Variants in SYT16 observed in about 807,000 individuals in gnomAD.
The protein encoded by SYT16 is synaptotagmin-16.
A neutral mutation model predicts 61.4 loss-of-function variants in SYT16; 42 were observed. The observed-to-expected ratio is 0.68, with a 90% CI of 0.53 to 0.89. The LOEUF (loss-of-function observed/expected upper bound fraction) is 0.89, where lower values mean the gene tolerates loss of function less well. SYT16 is among the 40% of genes least tolerant of loss of function. SYT16 has a pLI of 0.00. For synonymous variants in SYT16, 314 were observed against 302.3 expected, an observed-to-expected ratio of 1.04 and a Z score of -0.40; for missense variants, 804 against 807.3, an observed-to-expected ratio of 1.00 and a Z score of 0.05.
intron 1 of SYT16, among the ~76,000 whole-genome samples, chr14:61,918,302 G>A (rs1214548944): frequency 5.9e-5 from 9 of 152,064 alleles, no homozygotes; most frequent in Non-Finnish European, 2.9e-5. Flanking sequence ...TCATATGGGC[G>A]GAAATATGGC....
At chr14:62,066,133 G>A (rs1288998795) in intron 3 of SYT16, among the ~76,000 whole-genome samples, 2 of 152,144 alleles carry the variant, frequency 1.3e-5, no homozygotes, top group East Asian at 3.8e-4. Context: ...AAAAGACCTG[G>A]GAGATGATCC....
chr14:61,861,955 G>A (rs1011023078), intron 1 of SYT16, among the ~76,000 whole-genome samples: 1 of 152,114 alleles, frequency 6.6e-6, no homozygotes, highest in South Asian at 2.1e-4. Context: ...CACAAAGTGA[G>A]CACATACTTT....
rs758847903 is a variant in SYT16, at chr14:61,893,865, C to T, written c.-324-76267C>T. ...CCCCCGATTCTGCATCTTCTGATTC[C>T]GCATCTGAGAGCCTGTGGCTCCTCT... On this transcript the variant is annotated intron_variant, in intron 1 of 7. Coordinates refer to ENST00000683842, the MANE Select transcript of SYT16 (RefSeq NM_001367656.1). 1.1e-4 allele frequency among the ~76,000 whole-genome samples: 16 copies of T among 152,336 alleles called. 1 individual carries two copies. The South Asian group carries it at 1.4e-3, about 14-fold the overall frequency.
chr14:62,079,147 G>T (rs1219171447), intron 5 of SYT16, among the ~76,000 whole-genome samples: 1 of 152,060 alleles, frequency 6.6e-6, no homozygotes, highest in East Asian at 1.9e-4. Flanking sequence ...TTTTTGAGTT[G>T]GCCTAAATCC....
chr14:61,957,723 A>G (rs983076311), intron 1 of SYT16, among the ~76,000 whole-genome samples: 6 of 151,900 alleles, frequency 3.9e-5, no homozygotes, highest in African/African-American at 1.4e-4. Context: ...TTTGTTGAAG[A>G]TTTTTGTATA....
chr14:61,902,955 T>C (rs1200903435), intron 1 of SYT16, among the ~76,000 whole-genome samples: 3 of 152,226 alleles, frequency 2.0e-5, no homozygotes, highest in African/African-American at 4.8e-5. Context: ...GTGGGAATTA[T>C]GGGAGCAACA....
At chr14:61,910,363 C>T (rs574043886) in intron 1 of SYT16, among the ~76,000 whole-genome samples, 13 of 151,784 alleles carry the variant, frequency 8.6e-5, no homozygotes, top group South Asian at 2.1e-4. Flanking sequence ...CTCAGCCTCC[C>T]GAGTAGCTGA....
intron 6 of SYT16, among the ~76,000 whole-genome samples, chr14:62,083,626 G>A (rs189826418): frequency 6.6e-6 from 1 of 152,220 alleles, no homozygotes; most frequent in Admixed American, 6.5e-5. Flanking sequence ...TGTAATGTAA[G>A]TTATTTCTTT....
chr14:61,855,571 G>A (rs8012748), intron 1 of SYT16, among the ~76,000 whole-genome samples: 23,104 of 152,138 alleles, frequency 0.15, 1,885 homozygotes, highest in African/African-American at 0.22. Flanking sequence ...GGATGGTTTT[G>A]TGGGTACTCA....
chr14:61,926,357 A>T (rs554140193), intron 1 of SYT16, among the ~76,000 whole-genome samples: 1 of 152,200 alleles, frequency 6.6e-6, no homozygotes, highest in African/African-American at 2.4e-5. Flanking sequence ...AATATAGTTT[A>T]GTCTGGATTC....
intron 1 of SYT16, among the ~76,000 whole-genome samples, chr14:61,856,961 A>C (rs1227306964): frequency 1.3e-5 from 2 of 152,222 alleles, no homozygotes; most frequent in African/African-American, 4.8e-5. Flanking sequence ...GAGAATGATC[A>C]ACCATGTCAA....
At chr14:61,983,531 G>GT (rs2052174653) in intron 2 of SYT16, among the ~76,000 whole-genome samples, 7 of 151,932 alleles carry the variant, frequency 4.6e-5, no homozygotes, top group Admixed American at 4.6e-4. Context: ...TTTTGTTTCT[G>GT]TTTTTGTTTT....
At chr14:62,012,686 C>T (rs2053517513) in intron 3 of SYT16, among the ~76,000 whole-genome samples, 1 of 152,150 alleles carries the variant, frequency 6.6e-6, no homozygotes, top group Non-Finnish European at 1.5e-5. Context: ...ACTTACATGC[C>T]TTCATGTGAG....
At chr14:61,836,384 A>G (rs367632715) in intron 1 of SYT16, among the ~76,000 whole-genome samples, 5 of 152,252 alleles carry the variant, frequency 3.3e-5, no homozygotes, top group African/African-American at 9.6e-5. Context: ...AAACATCAGC[A>G]GTCCATTCAC....
At chr14:61,946,427 G>C (rs114119980) in intron 1 of SYT16, among the ~76,000 whole-genome samples, 2 of 152,128 alleles carry the variant, frequency 1.3e-5, no homozygotes, top group South Asian at 2.1e-4. Context: ...ACGGTAGGAG[G>C]GGGGTGAGGG....
chr14:61,921,109 T>C (rs556804780), intron 1 of SYT16, among the ~76,000 whole-genome samples: 4 of 152,316 alleles, frequency 2.6e-5, no homozygotes, highest in African/African-American at 9.6e-5. Flanking sequence ...GTCTCTTGCC[T>C]CCCTTTGGAG....
chr14:61,852,814 T>A (rs1029493895), intron 1 of SYT16, among the ~76,000 whole-genome samples: 1 of 152,252 alleles, frequency 6.6e-6, no homozygotes, highest in Non-Finnish European at 1.5e-5. Flanking sequence ...AAGCAACATA[T>A]CTTTTTCATT....
In SYT16 at chr14:61,924,477, T is replaced by G. The variant is rs78545719; in HGVS notation, c.-324-45655T>G. ...TAGGATGTAAACAACTAGTGTGTTA[T>G]GAATTCAGAACGAGGGTGTATTTCC... On this transcript the variant is annotated intron_variant, in intron 1 of 7. Coordinates refer to ENST00000683842, the MANE Select transcript of SYT16 (RefSeq NM_001367656.1). Among the ~76,000 whole-genome samples, 935 of 152,366 alleles carry G rather than the reference T, an allele frequency of 6.1e-3. 10 individuals are homozygous for G. Among genetic ancestry groups the G allele is most frequent in the African/African-American group, 0.021 (876 of 41,590 alleles).
At position 62,075,148 on chromosome 14, in the gene SYT16, C is replaced by T; in HGVS notation, c.750C>T (p.Ala250=). ...TTGCAAATTTAGATTTGGATGGAGC[C>T]AGCCAACGGCGTTATTCTGAGAATC... ...EVSACEDLDG[A]SQRRYSENLS... is the part of the protein sequence containing the mutation. Residue 250 remains alanine, a synonymous_variant, in exon 5 of 8, where the codon GCC becomes GCT. Coordinates refer to ENST00000683842, the MANE Select transcript of SYT16 (RefSeq NM_001367656.1). 2 of 1,606,954 alleles carry T rather than the reference C, an allele frequency of 1.2e-6. No individual in the cohort carries two copies. Among genetic ancestry groups the T allele is most frequent in the Non-Finnish European group, 1.7e-6 (2 of 1,175,372 alleles).
Sources: gnomAD v4.1 joint callset for allele counts (sites outside exome capture counted in the v4.1 genomes callset) on GRCh38, gnomAD v4.1.1 for gene constraint, MANE v1.5 for transcripts, NCBI Gene and HGNC (gene_info 2026-07-23, HGNC 2026-07-21) for gene names.